Variants in SNX25 observed in about 807,000 individuals in gnomAD.
SNX25 encodes sorting nexin-25.
A neutral mutation model predicts 113.7 loss-of-function variants in SNX25; 62 were observed. The ratio of observed to expected loss-of-function variants is 0.55; its 90% confidence interval spans 0.44 to 0.67. SNX25 has a LOEUF of 0.67. Among genes scored for constraint, SNX25 ranks in the 30% least tolerant of loss-of-function variants. The pLI is 0.00. For synonymous variants in SNX25, 421 were observed against 436.2 expected (o/e 0.97, Z 0.43); for missense variants, 1,014 against 1,161.0 (o/e 0.87, Z 1.84).
chr4:185,205,325 G>A (rs1033302804), upstream of SNX25, among the ~76,000 whole-genome samples: 20 of 152,010 alleles, frequency 1.3e-4, no homozygotes, highest in African/African-American at 4.8e-4. Context: ...GTGGTGACGT[G>A]AGCCTGTAGT....
intron 4 of SNX25, among the ~76,000 whole-genome samples, chr4:185,266,465 A>G (rs1435569211): frequency 3.3e-5 from 5 of 152,108 alleles, no homozygotes; most frequent in South Asian, 4.1e-4. Flanking sequence ...GGTTCAAGCA[A>G]TTCTCCTGCC....
In SNX25 at chr4:185,362,124, G is replaced by C. The variant is rs1007185457; in HGVS notation, c.2833+19G>C. 5.0e-6 allele frequency: 8 copies of C among 1,592,580 alleles called. No homozygotes were observed. The East Asian group carries it at 1.8e-4, about 36-fold the overall frequency. On this transcript the variant is annotated intron_variant, in intron 17 of 18. Transcript: ENST00000652585. ...ATTCCAGGTGAGGCCTGGGCTATTAGCCTGAAAAGCATAGAGATCTGAGGG... is the reference window on the plus strand; with the variant it reads ...ATTCCAGGTGAGGCCTGGGCTATTACCCTGAAAAGCATAGAGATCTGAGGG...
the SNX25 span, chr4:185,375,500 A>ATATATATG: frequency 1.6e-5 from 1 of 61,284 alleles, no homozygotes; most frequent in South Asian, 6.0e-4. Context: ...ATATATATAT[A>ATATATATG]TATATATATA....
Position 185,210,279 on chromosome 4 carries a change from C to A in SNX25, c.429+24C>A. 1 of 984,650 alleles carries A rather than the reference C, an allele frequency of 1.0e-6. No homozygotes were observed. Among genetic ancestry groups the A allele is most frequent in the Non-Finnish European group, 1.2e-6 (1 of 829,764 alleles). The allele number at this position is 984,650 out of a possible 1,614,324, so 61.0% of individuals were successfully genotyped here. A position where few individuals can be genotyped will look rare whatever the true frequency, so the allele number is the denominator to read the frequency against. On this transcript the variant is annotated intron_variant, in intron 1 of 18. Coordinates refer to ENST00000652585, the MANE Select transcript of SNX25 (RefSeq NM_001378034.2). This position sits in a 1 kb window ranked among gnomAD's most constrained non-coding sequence, Gnocchi z 4.4. The stretch of plus-strand genomic sequence containing the variant: ...GGGTAAGTACCCGACTCCTGGCCGC[C>A]CAGCTCCGCCGGCCCTCCCCGCTTC...
At chr4:185,275,835 AATC>A (rs992896449) in intron 5 of SNX25, among the ~76,000 whole-genome samples, 3 of 152,222 alleles carry the variant, frequency 2.0e-5, no homozygotes, top group African/African-American at 7.2e-5. Flanking sequence ...GGAGATGAAA[AATC>A]ATAATATATA....
chr4:185,303,861 G>T (rs1402412784), intron 6 of SNX25, among the ~76,000 whole-genome samples: 1 of 152,138 alleles, frequency 6.6e-6, no homozygotes, highest in East Asian at 1.9e-4. Context: ...AATCTCAGGT[G>T]TTTAGAGTGG....
intron 7 of SNX25, among the ~76,000 whole-genome samples, chr4:185,315,292 ATTTT>A (rs56655112): frequency 7.5e-5 from 9 of 119,342 alleles, no homozygotes; most frequent in African/African-American, 9.9e-5. Flanking sequence ...TTCACTGGTG[ATTTT>A]TTTTTTTTTT....
At chr4:185,215,087 G>A (rs1469325339) in intron 1 of SNX25, among the ~76,000 whole-genome samples, 5 of 152,080 alleles carry the variant, frequency 3.3e-5, no homozygotes, top group African/African-American at 9.7e-5. Context: ...AAAATTAGCC[G>A]GGCGTGGTGC....
chr4:185,215,360 G>A (rs1738649776), intron 1 of SNX25, among the ~76,000 whole-genome samples: 1 of 152,208 alleles, frequency 6.6e-6, no homozygotes, highest in Non-Finnish European at 1.5e-5. Flanking sequence ...GACCCACAGG[G>A]AGGACTGGAT....
chr4:185,279,272 A>G (rs916336318), intron 5 of SNX25, among the ~76,000 whole-genome samples: 6 of 152,134 alleles, frequency 3.9e-5, no homozygotes, highest in Admixed American at 1.3e-4. Context: ...TGTGACTCAA[A>G]TAGTGTTGTA....
chr4:185,227,365 A>G (rs1741176249), intron 1 of SNX25, among the ~76,000 whole-genome samples: 1 of 152,212 alleles, frequency 6.6e-6, no homozygotes, highest in Admixed American at 6.5e-5. Flanking sequence ...GGCCTGTGTC[A>G]AGGTCTTCAA....
intron 12 of SNX25, 62 bp downstream of exon 12, chr4:185,342,178 C>T: frequency 6.9e-7 from 1 of 1,441,590 alleles, no homozygotes; most frequent in Non-Finnish European, 9.2e-7. Flanking sequence ...TTCAATTTTA[C>T]ACATAAGAAA....
chr4:185,367,393 T>C, downstream of SNX25: 1 of 638,100 alleles, frequency 1.6e-6, no homozygotes, highest in Non-Finnish European at 2.7e-6. Flanking sequence ...TCTATTCTGA[T>C]GTCCTACTTT....
intron 15 of SNX25, among the ~76,000 whole-genome samples, chr4:185,356,568 T>G (rs1039282365): frequency 6.6e-6 from 1 of 152,254 alleles, no homozygotes; most frequent in Admixed American, 6.5e-5. Flanking sequence ...GAATTCATAC[T>G]ACTTTAACTG....
chr4:185,268,074 T>G (rs12503547), intron 5 of SNX25, among the ~76,000 whole-genome samples: 1 of 151,924 alleles, frequency 6.6e-6, no homozygotes, highest in Non-Finnish European at 1.5e-5. Flanking sequence ...AGTGGACTCA[T>G]GCAGTTCAAA....
upstream of SNX25, among the ~76,000 whole-genome samples, chr4:185,208,073 A>T (rs1737268701): frequency 6.6e-6 from 1 of 152,170 alleles, no homozygotes; most frequent in Non-Finnish European, 1.5e-5. Flanking sequence ...TTTTAGAGGC[A>T]AAAGGGCTTC....
intron 1 of SNX25, among the ~76,000 whole-genome samples, chr4:185,238,430 C>T (rs558881205): frequency 6.6e-6 from 1 of 152,270 alleles, no homozygotes; most frequent in South Asian, 2.1e-4. Context: ...TTAGTCCCTT[C>T]TCATCCTTCT....
Position 185,209,782 on chromosome 4 carries a change from C to CG in SNX25, c.-39dup. On this transcript the variant is annotated 5_prime_UTR_variant, in exon 1 of 19. It removes the in-frame stop codon of an upstream open reading frame in the 5' UTR. Coordinates refer to ENST00000652585, the MANE Select transcript of SNX25 (RefSeq NM_001378034.2). This position sits in a 1 kb window ranked among gnomAD's most constrained non-coding sequence, Gnocchi z 5.2. ...TGCCTCCGGAGCGCCGGCGGGGGAC[C>CG]GGGGGGCAGGAGATGTGCCTGTCCT... 3 of 983,670 alleles carry CG rather than the reference C, an allele frequency of 3.0e-6. No individual in the cohort carries two copies. Among genetic ancestry groups the CG allele is most frequent in the Non-Finnish European group, 3.6e-6 (3 of 829,280 alleles). The allele number at this position is 983,670 out of a possible 1,614,324, so 60.9% of individuals were successfully genotyped here.
chr4:185,309,200 C>A (rs1754905488), intron 6 of SNX25, among the ~76,000 whole-genome samples: 1 of 152,230 alleles, frequency 6.6e-6, no homozygotes, highest in South Asian at 2.1e-4. Flanking sequence ...ATAGATCTCT[C>A]CAAGGACTGA....
Sources: allele counts gnomAD v4.1 joint callset (sites outside exome capture counted in the v4.1 genomes callset), GRCh38; gene constraint gnomAD v4.1.1; non-coding constraint Gnocchi (gnomAD v3.1); transcripts MANE v1.5; gene names NCBI Gene and HGNC (gene_info 2026-07-23, HGNC 2026-07-21).